The following FBXO4 variants were observed in gnomAD, a reference collection of about 807,000 sequenced individuals.
The protein encoded by FBXO4 is F-box protein 4, also known as F-box only protein 4.
Under a neutral mutation model 43.7 loss-of-function variants are expected in FBXO4, and 36 were observed. The ratio of observed to expected loss-of-function variants is 0.82; its 90% confidence interval spans 0.63 to 1.09. The LOEUF is 1.09. FBXO4 is among the 50% of genes least tolerant of loss of function. The probability of loss-of-function intolerance (pLI) is 0.00; values close to 1 mark genes in which losing one functional copy is unlikely to be tolerated. For missense variants in FBXO4, 435 were observed against 474.1 expected (o/e 0.92, Z 0.77); for synonymous variants, 180 against 165.6 (o/e 1.09, Z -0.67).
chr5:41,941,134 C>CTCATAAGATTTTGG, intron 6 of FBXO4, 58 bp from the exon 7 acceptor site: 4 of 1,346,312 alleles, frequency 3.0e-6, no homozygotes, highest in Non-Finnish European at 4.3e-6. Context: ...GTCCCTCCTA[C>CTCATAAGATTTTGG]TCATAAGATT....
intron 1 of FBXO4, among the ~76,000 whole-genome samples, chr5:41,926,691 AC>A (rs1751514485): frequency 6.6e-6 from 1 of 152,254 alleles, no homozygotes; most frequent in African/African-American, 2.4e-5. Context: ...TATGTAACTA[AC>A]TGGTATATCC....
At chr5:42,005,954 A>G in the FBXO4 span, among the ~76,000 whole-genome samples, 3 of 152,186 alleles carry the variant, frequency 2.0e-5, no homozygotes, top group Middle Eastern at 3.4e-3. Context: ...GTGACCTAAC[A>G]TTTACTGATG....
the FBXO4 span, among the ~76,000 whole-genome samples, chr5:41,987,073 C>T: frequency 6.6e-6 from 1 of 151,972 alleles, no homozygotes; most frequent in East Asian, 1.9e-4. Context: ...AAATAACACA[C>T]AGGAGTTTGT....
the FBXO4 span, among the ~76,000 whole-genome samples, chr5:41,949,099 C>A: frequency 1.3e-5 from 2 of 152,118 alleles, no homozygotes; most frequent in Admixed American, 6.5e-5. Flanking sequence ...AAACGCACAG[C>A]CTATATCATA....
the FBXO4 span, among the ~76,000 whole-genome samples, chr5:41,998,095 C>T: frequency 6.6e-6 from 1 of 152,194 alleles, no homozygotes; most frequent in Non-Finnish European, 1.5e-5. Context: ...TGCCAAAGCG[C>T]TACATGAGTC....
chr5:41,954,377 G>A, the FBXO4 span, among the ~76,000 whole-genome samples: 1 of 152,116 alleles, frequency 6.6e-6, no homozygotes, highest in African/African-American at 2.4e-5. Flanking sequence ...ATTCTATTAG[G>A]AATGTTATGC....
chr5:41,938,728 C>T (rs2112586024), intron 5 of FBXO4, among the ~76,000 whole-genome samples: 1 of 152,294 alleles, frequency 6.6e-6, no homozygotes, highest in African/African-American at 2.4e-5. Context: ...CTTCCGAGAT[C>T]ATTCAAGTTA....
chr5:41,990,992 G>A, the FBXO4 span, among the ~76,000 whole-genome samples: 134 of 152,154 alleles, frequency 8.8e-4, 2 homozygotes, highest in South Asian at 5.2e-3. Flanking sequence ...ACATCTTAAG[G>A]ACAAAAGCCA....
At chr5:41,948,231 G>A in the FBXO4 span, among the ~76,000 whole-genome samples, 42 of 151,376 alleles carry the variant, frequency 2.8e-4, no homozygotes, top group African/African-American at 1.0e-3. Flanking sequence ...TGCCTCCCAG[G>A]TTCACACCAT....
the FBXO4 span, among the ~76,000 whole-genome samples, chr5:42,036,814 C>CTT: frequency 4.6e-5 from 7 of 151,238 alleles, no homozygotes; most frequent in Non-Finnish European, 5.9e-5. Context: ...CAGTTACAAG[C>CTT]TTTTTTTTTC....
Position 41,934,265 on chromosome 5 carries a change from T to C in FBXO4, c.855T>C (p.Val285=). The C allele has an allele frequency of 1.2e-6, 2 of 1,614,168 alleles. No individual in the cohort carries two copies. Among genetic ancestry groups the C allele is most frequent in the Non-Finnish European group, 1.7e-6 (2 of 1,180,006 alleles). ...VIPQIQKVCE[V]VDGFIYVANA... is the part of the protein sequence containing the mutation. ...CACAGATTCAAAAAGTGTGTGAAGT[T>C]GTAGATGGGTTCATCTATGTTGCAA... The change falls in exon 5 of 7, where the codon GTT becomes GTC. Residue 285 remains valine, a synonymous_variant. Transcript: ENST00000281623.
chr5:41,992,580 A>C, the FBXO4 span, among the ~76,000 whole-genome samples: 1 of 152,208 alleles, frequency 6.6e-6, no homozygotes, highest in Non-Finnish European at 1.5e-5. Context: ...TGGGGACAGC[A>C]ATGGTCTCTA....
At chr5:41,967,668 C>T in the FBXO4 span, 2 of 704,690 alleles carry the variant, frequency 2.8e-6, no homozygotes. Context: ...CATGGAGTAG[C>T]TGGTATACGG....
At chr5:41,968,948 A>C in the FBXO4 span, among the ~76,000 whole-genome samples, 1 of 152,108 alleles carries the variant, frequency 6.6e-6, no homozygotes, top group Non-Finnish European at 1.5e-5. Context: ...TTCAGTTTTT[A>C]TCTTCTAGAT....
At chr5:42,036,073 C>T in the FBXO4 span, among the ~76,000 whole-genome samples, 1 of 152,084 alleles carries the variant, frequency 6.6e-6, no homozygotes, top group Non-Finnish European at 1.5e-5. Flanking sequence ...TTGCAGACTG[C>T]TTAAAACAGT....
the FBXO4 span, among the ~76,000 whole-genome samples, chr5:41,964,595 T>TG: frequency 3.3e-5 from 5 of 151,696 alleles, no homozygotes; most frequent in Admixed American, 3.3e-4. Flanking sequence ...GCCAAGTGTT[T>TG]TTTTTTTTTT....
the FBXO4 span, among the ~76,000 whole-genome samples, chr5:41,974,675 C>G: frequency 6.6e-6 from 1 of 152,070 alleles, no homozygotes; most frequent in East Asian, 1.9e-4. Context: ...TGTTCACCTT[C>G]TCTCTTAGAA....
chr5:41,961,217 G>A, the FBXO4 span, among the ~76,000 whole-genome samples: 1 of 152,130 alleles, frequency 6.6e-6, no homozygotes, highest in Non-Finnish European at 1.5e-5. Context: ...AGTGGCCAAT[G>A]GTGTGGATAT....
At chr5:41,958,111 TAAATC>T in the FBXO4 span, among the ~76,000 whole-genome samples, 2 of 151,926 alleles carry the variant, frequency 1.3e-5, no homozygotes, top group African/African-American at 2.4e-5. Flanking sequence ...TAAGAATTCT[TAAATC>T]TAGTCTGTTA....
Sources: allele counts gnomAD v4.1 joint callset (sites outside exome capture counted in the v4.1 genomes callset), GRCh38; gene constraint gnomAD v4.1.1; transcripts MANE v1.5; gene names NCBI Gene and HGNC (gene_info 2026-07-23, HGNC 2026-07-21).